Variants in ADAMTS6 observed in about 807,000 individuals in gnomAD.
ADAMTS6 encodes the protein A disintegrin and metalloproteinase with thrombospondin motifs 6.
Under a neutral mutation model 144.3 loss-of-function variants are expected in ADAMTS6, and 23 were observed. The observed-to-expected ratio is 0.16, with a 90% CI of 0.11 to 0.23. The LOEUF (loss-of-function observed/expected upper bound fraction) is 0.23, where lower values mean the gene tolerates loss of function less well. ADAMTS6 is among the 10% of genes least tolerant of loss of function. ADAMTS6 has a pLI of 1.00. For synonymous variants in ADAMTS6, 444 were observed against 457.5 expected (o/e 0.97, Z 0.38); for missense variants, 999 against 1,379.6 (o/e 0.72, Z 4.37).
At chr5:65,168,730 G>A (rs61174743) in intron 24 of ADAMTS6, among the ~76,000 whole-genome samples, 59,521 of 114,380 alleles carry the variant, frequency 0.52, 16,171 homozygotes, top group Non-Finnish European at 0.59. Flanking sequence ...AAATAACGCC[G>A]CTTACCTACA....
At chr5:65,222,995 G>GA (rs997302313) in intron 18 of ADAMTS6, among the ~76,000 whole-genome samples, 15 of 150,614 alleles carry the variant, frequency 1.0e-4, no homozygotes, top group South Asian at 2.1e-4. Flanking sequence ...TCAAAAAAAG[G>GA]AAAAAAAAAT....
intron 13 of ADAMTS6, among the ~76,000 whole-genome samples, 200 bp downstream of exon 13, chr5:65,262,617 T>C (rs1396134551): frequency 6.6e-6 from 1 of 152,232 alleles, no homozygotes; most frequent in Non-Finnish European, 1.5e-5. Context: ...ATTTTATTTT[T>C]GGTTACACAA....
intron 7 of ADAMTS6, among the ~76,000 whole-genome samples, chr5:65,391,520 A>T (rs1752913138): frequency 6.6e-6 from 1 of 152,010 alleles, no homozygotes; most frequent in Non-Finnish European, 1.5e-5. Context: ...AATCCTAAGA[A>T]ATCCACTTAA....
intron 7 of ADAMTS6, among the ~76,000 whole-genome samples, chr5:65,425,352 A>G (rs1220370445): frequency 6.6e-6 from 1 of 152,098 alleles, no homozygotes; most frequent in East Asian, 1.9e-4. Context: ...TACTTTTTGA[A>G]TGACAGACCT....
Position 65,452,903 on chromosome 5 carries a change from C to A in ADAMTS6, c.647G>T (p.Gly216Val). 1 of 1,613,172 alleles carries A rather than the reference C, an allele frequency of 6.2e-7. No homozygotes were observed. Among genetic ancestry groups the A allele is most frequent in the Non-Finnish European group, 8.5e-7 (1 of 1,179,556 alleles). ...HCGVSDFTRS[G>V]KPWWLNDTST... ...TGTGTCATTCAGCCACCAAGGTTTG[C>A]CACTTCTTGTGAAATCTACAATAAA... The change falls in exon 5 of 25, where the codon GGC becomes GTC. Residue 216 changes from glycine (G) to valine (V), a missense_variant. By Grantham distance (109) the Gly-to-Val change is moderately radical. Coordinates refer to ENST00000381055, the MANE Select transcript of ADAMTS6 (RefSeq NM_197941.4).
chr5:65,375,196 A>G (rs957747290), intron 7 of ADAMTS6, among the ~76,000 whole-genome samples: 1 of 152,264 alleles, frequency 6.6e-6, no homozygotes, highest in Admixed American at 6.5e-5. Context: ...GGACATAGGC[A>G]TGGGCAAAGG....
chr5:65,268,842 T>G (rs1204223286), intron 12 of ADAMTS6, among the ~76,000 whole-genome samples: 1 of 152,224 alleles, frequency 6.6e-6, no homozygotes, highest in Non-Finnish European at 1.5e-5. Context: ...CAGCCAGAGT[T>G]TGACGAGATC....
intron 18 of ADAMTS6, among the ~76,000 whole-genome samples, chr5:65,220,395 T>C (rs888580221): frequency 6.6e-6 from 1 of 151,986 alleles, no homozygotes; most frequent in African/African-American, 2.4e-5. Flanking sequence ...CTTGAGAAGC[T>C]AGAAAAAATA....
chr5:65,354,830 T>C (rs1749176767), intron 7 of ADAMTS6, among the ~76,000 whole-genome samples: 1 of 151,788 alleles, frequency 6.6e-6, no homozygotes, highest in African/African-American at 2.4e-5. Flanking sequence ...ATATCAAGCC[T>C]TGTATTTTAT....
At chr5:65,407,243 G>A (rs1580630252) in intron 7 of ADAMTS6, among the ~76,000 whole-genome samples, 2 of 152,158 alleles carry the variant, frequency 1.3e-5, no homozygotes, top group East Asian at 1.9e-4. Flanking sequence ...GAGAAAGGTC[G>A]GGTTACCCAC....
At chr5:65,340,883 G>A (rs1182305303) in intron 7 of ADAMTS6, among the ~76,000 whole-genome samples, 2 of 151,964 alleles carry the variant, frequency 1.3e-5, no homozygotes, top group African/African-American at 4.8e-5. Context: ...AATTCGGCAA[G>A]AGAATATAAC....
chr5:65,453,404 T>A (rs1291509603), intron 4 of ADAMTS6, among the ~76,000 whole-genome samples: 1 of 152,240 alleles, frequency 6.6e-6, no homozygotes, highest in Non-Finnish European at 1.5e-5. Context: ...TTAATTAGAA[T>A]CAATTCTACT....
At chr5:65,358,617 A>G (rs1240531162) in intron 7 of ADAMTS6, among the ~76,000 whole-genome samples, 1 of 152,102 alleles carries the variant, frequency 6.6e-6, no homozygotes, top group Non-Finnish European at 1.5e-5. Context: ...GCACTACCTC[A>G]TTCAAAATAT....
At chr5:65,454,480 A>G (rs770165394) in intron 4 of ADAMTS6, among the ~76,000 whole-genome samples, 3 of 152,088 alleles carry the variant, frequency 2.0e-5, no homozygotes, top group Non-Finnish European at 4.4e-5. Flanking sequence ...TCTATATCCA[A>G]TTTTGGCAGA....
chr5:65,452,902 G>T lies in ADAMTS6; in HGVS notation c.648C>A (p.Gly216=). The T allele has an allele frequency of 6.2e-7, 1 of 1,613,328 alleles. No individual in the cohort carries two copies. Among genetic ancestry groups the T allele is most frequent in the South Asian group, 1.1e-5 (1 of 90,942 alleles). Residue 216 remains glycine (G), a synonymous_variant, in exon 5 of 25, where the codon GGC becomes GGA. Coordinates refer to ENST00000381055, the MANE Select transcript of ADAMTS6 (RefSeq NM_197941.4). The part of the protein sequence containing the change: ...HCGVSDFTRS[G]KPWWLNDTST... ...ATGTGTCATTCAGCCACCAAGGTTT[G>T]CCACTTCTTGTGAAATCTACAATAA...
intron 7 of ADAMTS6, among the ~76,000 whole-genome samples, chr5:65,375,673 C>G (rs1350429338): frequency 6.6e-6 from 1 of 152,046 alleles, no homozygotes; most frequent in Admixed American, 6.5e-5. Context: ...GGACTGTAAA[C>G]TAGTTCAACC....
chr5:65,222,470 G>A (rs1757395592), intron 18 of ADAMTS6, among the ~76,000 whole-genome samples: 1 of 152,064 alleles, frequency 6.6e-6, no homozygotes, highest in Non-Finnish European at 1.5e-5. Flanking sequence ...AAAATTGACT[G>A]TATGTGTTTT....
intron 19 of ADAMTS6, 99 bp from the exon 20 acceptor site, chr5:65,215,031 T>G (rs1756813628): frequency 1.4e-6 from 2 of 1,439,042 alleles, no homozygotes; most frequent in Admixed American, 4.6e-5. Context: ...AAAACAAGTC[T>G]TACAGGAAAC....
chr5:65,171,685 G>A (rs1753640748), intron 23 of ADAMTS6, among the ~76,000 whole-genome samples: 1 of 152,068 alleles, frequency 6.6e-6, no homozygotes, highest in Non-Finnish European at 1.5e-5. Flanking sequence ...TGACAGGCGT[G>A]GAGCCTGGTG....
Sources: allele counts gnomAD v4.1 joint callset (sites outside exome capture counted in the v4.1 genomes callset), GRCh38; gene constraint gnomAD v4.1.1; transcripts MANE v1.5; gene names NCBI Gene and HGNC (gene_info 2026-07-23, HGNC 2026-07-21).